Variants in SLX4IP observed in about 807,000 individuals in gnomAD.
SLX4IP encodes protein SLX4IP.
In SLX4IP, 34 loss-of-function variants were observed where a neutral mutation model predicts 32.9. The ratio of observed to expected loss-of-function variants is 1.03; its 90% CI spans 0.79 to 1.38. The LOEUF is 1.38. SLX4IP is among the 40% of genes most tolerant of loss of function. SLX4IP has a pLI of 0.00. For missense variants in SLX4IP, 444 were observed against 479.0 expected, an observed-to-expected ratio of 0.93 and a Z score of 0.68; for synonymous variants, 172 against 171.7, an observed-to-expected ratio of 1.00 and a Z score of -0.01.
At chr20:10,608,440 C>T (rs1024830914) in intron 6 of SLX4IP, among the ~76,000 whole-genome samples, 16 of 151,754 alleles carry the variant, frequency 1.1e-4, no homozygotes, top group South Asian at 2.1e-4. Flanking sequence ...CCGAGGCGGG[C>T]GGATCACGAG....
chr20:10,584,684 C>T (rs999095498), intron 4 of SLX4IP, among the ~76,000 whole-genome samples: 4 of 152,088 alleles, frequency 2.6e-5, no homozygotes, highest in African/African-American at 9.7e-5. Flanking sequence ...ATTCAAATTT[C>T]CCAAGTGATT....
intron 5 of SLX4IP, among the ~76,000 whole-genome samples, chr20:10,600,052 A>AG (rs966346953): frequency 3.3e-5 from 5 of 151,480 alleles, no homozygotes; most frequent in Non-Finnish European, 5.9e-5. Context: ...TGATTTTTTT[A>AG]GGGGGGGGAG....
intron 2 of SLX4IP, among the ~76,000 whole-genome samples, chr20:10,502,192 A>C (rs1370568127): frequency 6.6e-6 from 1 of 152,162 alleles, no homozygotes; most frequent in African/African-American, 2.4e-5. Context: ...GATGGCTTCC[A>C]TTTAATTATT....
intron 2 of SLX4IP, among the ~76,000 whole-genome samples, chr20:10,544,034 A>G (rs757120389): frequency 2.6e-5 from 4 of 152,048 alleles, no homozygotes; most frequent in Non-Finnish European, 4.4e-5. Context: ...CTGTCTCTCT[A>G]GGTCCTCCAG....
At chr20:10,544,169 CTGTT>C (rs2066138744) in intron 2 of SLX4IP, among the ~76,000 whole-genome samples, 1 of 152,166 alleles carries the variant, frequency 6.6e-6, no homozygotes, top group African/African-American at 2.4e-5. Context: ...TGTTCCTTAA[CTGTT>C]TGGAGTTTAC....
intron 2 of SLX4IP, among the ~76,000 whole-genome samples, chr20:10,534,886 G>A (rs1352996714): frequency 6.6e-6 from 1 of 152,172 alleles, no homozygotes; most frequent in Non-Finnish European, 1.5e-5. Flanking sequence ...GAGCAGAAGG[G>A]GGAGCTATTA....
chr20:10,560,135 AAC>A (rs2066315144), intron 3 of SLX4IP, among the ~76,000 whole-genome samples: 1 of 152,204 alleles, frequency 6.6e-6, no homozygotes, highest in Admixed American at 6.5e-5. Flanking sequence ...ATAAACATGA[AAC>A]AGTCCCCTAA....
chr20:10,461,477 T>C (rs2065337699), intron 2 of SLX4IP, among the ~76,000 whole-genome samples: 1 of 152,126 alleles, frequency 6.6e-6, no homozygotes, highest in Admixed American at 6.5e-5. Flanking sequence ...GCACATCACT[T>C]TGTGGTTGTA....
chr20:10,534,904 C>T (rs956530439), intron 2 of SLX4IP, among the ~76,000 whole-genome samples: 2 of 152,188 alleles, frequency 1.3e-5, no homozygotes, highest in South Asian at 2.1e-4. Flanking sequence ...TTAATAATTA[C>T]GCCTGGATAG....
At chr20:10,462,360 A>C (rs528546260) in intron 2 of SLX4IP, among the ~76,000 whole-genome samples, 18 of 152,230 alleles carry the variant, frequency 1.2e-4, no homozygotes, top group Non-Finnish European at 2.4e-4. Flanking sequence ...AAAGTCAATG[A>C]AAAAGAGTTG....
chr20:10,498,192 T>C (rs887672671), intron 2 of SLX4IP, among the ~76,000 whole-genome samples: 3 of 151,348 alleles, frequency 2.0e-5, no homozygotes, highest in Admixed American at 1.3e-4. Context: ...TTGCAGTGAA[T>C]TAGATATTGT....
intron 1 of SLX4IP, 48 bp from the exon 2 acceptor site, chr20:10,458,127 TA>T (rs1375060654): frequency 4.0e-6 from 5 of 1,254,978 alleles, no homozygotes; most frequent in African/African-American, 3.1e-5. Flanking sequence ...AATATCCAAA[TA>T]AAAAGAAATT....
At chr20:10,451,550 C>G (rs905718218) in intron 1 of SLX4IP, among the ~76,000 whole-genome samples, 5 of 152,180 alleles carry the variant, frequency 3.3e-5, no homozygotes, top group African/African-American at 1.2e-4. Context: ...GACACATGAC[C>G]AGTCCAAATT....
rs2065624327 is a variant in SLX4IP at position 10,491,564 on chromosome 20, A to T, written c.27+33333A>T. Among the ~76,000 whole-genome samples, 8 of 152,156 alleles carry T rather than the reference A, an allele frequency of 5.3e-5. 1 individual carries two copies. In the South Asian group the frequency reaches 1.7e-3, roughly 31 times the overall value. On this transcript the variant is annotated intron_variant, in intron 2 of 7. Transcript: ENST00000334534. ...CATCTTTTTAGCAATTATGCTTATC[A>T]CTTTTCCCCAAAGCATGGTGCATCT...
intron 5 of SLX4IP, among the ~76,000 whole-genome samples, chr20:10,599,810 A>C (rs1187479251): frequency 6.6e-6 from 1 of 152,188 alleles, no homozygotes; most frequent in African/African-American, 2.4e-5. Flanking sequence ...TTGCCTAAAT[A>C]TTTAATTAAA....
In SLX4IP at chr20:10,435,437, C is replaced by T. The variant is rs2065101315; in HGVS notation, c.-46C>T. The T allele has an allele frequency of 4.6e-5, 7 of 152,290 alleles. No individual in the cohort carries two copies. Among genetic ancestry groups the T allele is most frequent in the Admixed American group, 4.6e-4 (7 of 15,284 alleles). The allele number at this position is 152,290 out of a possible 1,614,324, so 9.4% of individuals were successfully genotyped here. On this transcript the variant is annotated 5_prime_UTR_variant, in exon 1 of 8. Transcript: ENST00000334534. ...AAAACATATAAAGCCCGAGCCCAAA[C>T]CCCGCCACCATCATAGGTAAGCACA... is the stretch of plus-strand genomic sequence containing the variant.
chr20:10,526,633 T>TC (rs2065942494), intron 2 of SLX4IP, among the ~76,000 whole-genome samples: 1 of 152,132 alleles, frequency 6.6e-6, no homozygotes, highest in African/African-American at 2.4e-5. Flanking sequence ...ATCTATTCTC[T>TC]CCCCTCTCTC....
chr20:10,460,304 C>T (rs1442140696), intron 2 of SLX4IP, among the ~76,000 whole-genome samples: 2 of 152,218 alleles, frequency 1.3e-5, no homozygotes, highest in Non-Finnish European at 2.9e-5. Flanking sequence ...CTTAAATCCA[C>T]CTTAAAACTT....
At chr20:10,456,140 T>C (rs1303944594) in intron 1 of SLX4IP, among the ~76,000 whole-genome samples, 2 of 152,174 alleles carry the variant, frequency 1.3e-5, no homozygotes, top group Non-Finnish European at 2.9e-5. Flanking sequence ...AAGGTATATA[T>C]GAAACATAAG....
Sources: gnomAD v4.1 joint callset for allele counts (sites outside exome capture counted in the v4.1 genomes callset) on GRCh38, gnomAD v4.1.1 for gene constraint, MANE v1.5 for transcripts, NCBI Gene and HGNC (gene_info 2026-07-23, HGNC 2026-07-21) for gene names.